The following SUCLG2 variants were observed in gnomAD, a reference collection of about 807,000 sequenced individuals.
SUCLG2 encodes succinate-CoA ligase GDP-forming subunit beta, also known as succinate--CoA ligase [GDP-forming] subunit beta, mitochondrial.
SUCLG2 carries 42 observed loss-of-function variants against 47.9 expected under a neutral mutation model. The ratio of observed to expected loss-of-function variants is 0.88; its 90% CI spans 0.69 to 1.14. The LOEUF is 1.14. Ranked by LOEUF, SUCLG2 falls within the 50% of genes most tolerant of loss-of-function variation. The pLI is 0.00. For missense variants in SUCLG2, 571 were observed against 525.9 expected (o/e 1.09, Z -0.84); for synonymous variants, 195 against 197.3 (o/e 0.99, Z 0.10).
At chr3:67,473,171 T>C (rs1704646183) in intron 9 of SUCLG2, among the ~76,000 whole-genome samples, 1 of 118,000 alleles carries the variant, frequency 8.5e-6, no homozygotes, top group Non-Finnish European at 1.7e-5. Context: ...GAATTATGGA[T>C]GACTTTATTT....
chr3:67,631,133 G>C (rs148865789), intron 1 of SUCLG2, among the ~76,000 whole-genome samples: 3 of 152,272 alleles, frequency 2.0e-5, no homozygotes, highest in Non-Finnish European at 2.9e-5. Flanking sequence ...CTAGCTACTT[G>C]ACAGCATTCA....
intron 9 of SUCLG2, among the ~76,000 whole-genome samples, chr3:67,437,063 T>C (rs564157873): frequency 6.6e-6 from 1 of 152,294 alleles, no homozygotes; most frequent in Non-Finnish European, 1.5e-5. Flanking sequence ...TTGAGTATTA[T>C]TAATTTTGTA....
chr3:67,420,746 T>C (rs1703139536), intron 9 of SUCLG2, among the ~76,000 whole-genome samples: 1 of 152,036 alleles, frequency 6.6e-6, no homozygotes, highest in Non-Finnish European at 1.5e-5. Context: ...AAGGAATAGA[T>C]ACACACACAC....
At chr3:67,530,363 G>A (rs537845873) in intron 2 of SUCLG2, among the ~76,000 whole-genome samples, 44 of 152,170 alleles carry the variant, frequency 2.9e-4, no homozygotes, top group Non-Finnish European at 4.1e-4. Context: ...CTATTGCCTC[G>A]ACCAGTTAGT....
At chr3:67,612,598 A>G (rs1429238127) in intron 1 of SUCLG2, among the ~76,000 whole-genome samples, 1 of 152,240 alleles carries the variant, frequency 6.6e-6, no homozygotes, top group Non-Finnish European at 1.5e-5. Context: ...TAAAACAATC[A>G]GGAAATGTCA....
intron 9 of SUCLG2, among the ~76,000 whole-genome samples, chr3:67,486,160 G>A (rs780018650): frequency 1.3e-5 from 2 of 152,164 alleles, no homozygotes; most frequent in African/African-American, 2.4e-5. Flanking sequence ...AGCAACTCAG[G>A]AGGCTGAGGT....
At chr3:67,481,197 G>A (rs548284364) in intron 9 of SUCLG2, among the ~76,000 whole-genome samples, 1 of 152,246 alleles carries the variant, frequency 6.6e-6, no homozygotes, top group South Asian at 2.1e-4. Context: ...CATGGCAAGG[G>A]TAATTAGCAA....
chr3:67,609,647 A>T, intron 1 of SUCLG2, 51 bp from the exon 2 acceptor site: 1 of 1,578,982 alleles, frequency 6.3e-7, no homozygotes, highest in Admixed American at 1.7e-5. Context: ...AGCAAGAAAA[A>T]TAAAAGTCAA....
chr3:67,630,935 G>A (rs1208313066), intron 1 of SUCLG2, among the ~76,000 whole-genome samples: 1 of 152,226 alleles, frequency 6.6e-6, no homozygotes, highest in Non-Finnish European at 1.5e-5. Context: ...TTGCTTTTGA[G>A]TAGTCTCATG....
intron 2 of SUCLG2, 151 bp from the exon 3 acceptor site, chr3:67,529,337 CA>C: frequency 1.6e-6 from 1 of 623,052 alleles, no homozygotes; most frequent in Non-Finnish European, 2.8e-6. Context: ...TGAAGAACTT[CA>C]AAAAAACATC....
At chr3:67,430,164 C>T (rs1452984246) in intron 9 of SUCLG2, among the ~76,000 whole-genome samples, 6 of 152,228 alleles carry the variant, frequency 3.9e-5, no homozygotes, top group African/African-American at 1.4e-4. Context: ...CTCAGCACCA[C>T]ATTGCACTTA....
intron 9 of SUCLG2, among the ~76,000 whole-genome samples, chr3:67,463,456 A>G (rs1195957217): frequency 6.6e-6 from 1 of 152,214 alleles, no homozygotes; most frequent in Non-Finnish European, 1.5e-5. Flanking sequence ...ACAGAGAATC[A>G]TTTTCTTTCA....
rs1205936217 is a variant in SUCLG2 at position 67,598,015 on chromosome 3, C to A, written c.226+11440G>T. Among the ~76,000 whole-genome samples, 3 of 151,870 alleles carry A rather than the reference C, an allele frequency of 2.0e-5. No individual in the cohort carries two copies. The East Asian group carries it at 5.9e-4, about 30-fold the overall frequency. On this transcript the variant is annotated intron_variant, in intron 2 of 10. Coordinates refer to ENST00000307227, the MANE Select transcript of SUCLG2 (RefSeq NM_003848.4). ...TTTTTTTTGGAGACGGAGTCTTGTTCTGTTGCCCAGGGTGGAGTGCAGTGG... is the reference window on the plus strand; with the variant it reads ...TTTTTTTTGGAGACGGAGTCTTGTTATGTTGCCCAGGGTGGAGTGCAGTGG...
chr3:67,597,594 C>T (rs993539801), intron 2 of SUCLG2, among the ~76,000 whole-genome samples: 8 of 152,176 alleles, frequency 5.3e-5, no homozygotes, highest in African/African-American at 7.2e-5. Flanking sequence ...CCTTTCTTCT[C>T]TTGTTCATCC....
intron 2 of SUCLG2, among the ~76,000 whole-genome samples, chr3:67,608,363 T>A (rs777878771): frequency 6.6e-6 from 1 of 152,200 alleles, no homozygotes; most frequent in African/African-American, 2.4e-5. Context: ...TGAAGCAACA[T>A]CCCATGTGCT....
chr3:67,596,327 C>T (rs1254039707), intron 2 of SUCLG2, among the ~76,000 whole-genome samples: 1 of 152,184 alleles, frequency 6.6e-6, no homozygotes, highest in Non-Finnish European at 1.5e-5. Flanking sequence ...GAATTGCCAA[C>T]TTCCTGCCAA....
At chr3:67,628,160 A>G (rs1301146965) in intron 1 of SUCLG2, among the ~76,000 whole-genome samples, 1 of 152,232 alleles carries the variant, frequency 6.6e-6, no homozygotes, top group African/African-American at 2.4e-5. Flanking sequence ...GAAATTTAGT[A>G]AATACTTCCC....
At chr3:67,496,813 C>T (rs1163916267) in intron 8 of SUCLG2, among the ~76,000 whole-genome samples, 1 of 151,912 alleles carries the variant, frequency 6.6e-6, no homozygotes, top group Non-Finnish European at 1.5e-5. Flanking sequence ...AAAAAAACTC[C>T]AGAACACAGC....
chr3:67,516,302 A>C (rs1055960462), intron 6 of SUCLG2, among the ~76,000 whole-genome samples: 1 of 152,182 alleles, frequency 6.6e-6, no homozygotes, highest in Admixed American at 6.5e-5. Flanking sequence ...TCTTCCTTCC[A>C]TAGGTAACTC....
Sources: gnomAD v4.1 joint callset for allele counts (sites outside exome capture counted in the v4.1 genomes callset) on GRCh38, gnomAD v4.1.1 for gene constraint, MANE v1.5 for transcripts, NCBI Gene and HGNC (gene_info 2026-07-23, HGNC 2026-07-21) for gene names.